PTTG1: variants seen among roughly 807,000 people sequenced by gnomAD.
PTTG1 encodes securin.
A neutral mutation model predicts 20.0 loss-of-function variants in PTTG1; 8 were observed. The observed-to-expected ratio is 0.40, with a 90% CI of 0.23 to 0.72. The LOEUF (loss-of-function observed/expected upper bound fraction) is 0.72. PTTG1 is among the 30% of genes least tolerant of loss of function. The pLI is 0.38. For synonymous variants in PTTG1, 79 were observed against 87.2 expected (o/e 0.91, Z 0.52); for missense variants, 197 against 236.0 (o/e 0.83, Z 1.08).
In PTTG1 at chr5:160,427,894, C is replaced by T. The variant is rs549436067; in HGVS notation, c.529+21C>T. On this transcript the variant is annotated intron_variant, in intron 5 of 5. Coordinates refer to ENST00000352433, the MANE Select transcript of PTTG1 (RefSeq NM_004219.4). ...ATCCAGTAAGTGAGCAAGTGCCCTT[C>T]TGGAAGGGCTGCAAACAATTTGTTT... 6.2e-6 allele frequency: 10 copies of T among 1,613,866 alleles called. 1 individual carries two copies. Among genetic ancestry groups the T allele is most frequent in the South Asian group, 4.4e-5 (4 of 91,074 alleles).
intron 4 of PTTG1, among the ~76,000 whole-genome samples, chr5:160,427,021 G>A (rs1765820385): frequency 6.6e-6 from 1 of 152,076 alleles, no homozygotes; most frequent in Admixed American, 6.5e-5. Context: ...CAGCCTAGGT[G>A]AAAGAGTGAG....
intron 3 of PTTG1, among the ~76,000 whole-genome samples, chr5:160,423,829 C>T (rs1425289274): frequency 6.6e-6 from 1 of 152,208 alleles, no homozygotes; most frequent in Non-Finnish European, 1.5e-5. Context: ...TTGAGGAACA[C>T]AAACTTGTTT....
intron 1 of PTTG1, 181 bp downstream of exon 1, chr5:160,422,072 C>G (rs1188180765): frequency 2.4e-6 from 1 of 420,862 alleles, no homozygotes; most frequent in African/African-American, 2.0e-5. Flanking sequence ...CGGCAACTGT[C>G]TGATGAGTGC....
At chr5:160,424,623 A>G in intron 4 of PTTG1, 1 of 227,014 alleles carries the variant, frequency 4.4e-6, no homozygotes. Context: ...CATTGTGGAC[A>G]GTCTTTCTCA....
At chr5:160,422,062 C>G (rs1045746165) in intron 1 of PTTG1, 171 bp downstream of exon 1, 1 of 377,018 alleles carries the variant, frequency 2.7e-6, no homozygotes, top group Non-Finnish European at 4.9e-6. Flanking sequence ...ACTGGACCAA[C>G]GGCAACTGTC....
Position 160,424,291 on chromosome 5 carries a change from T to C in PTTG1, c.331T>C (p.Tyr111His). 1.9e-6 allele frequency: 3 copies of C among 1,612,424 alleles called. No homozygotes were observed. Among genetic ancestry groups the C allele is most frequent in the Non-Finnish European group, 1.7e-6 (2 of 1,178,642 alleles). Reference protein sequence around the residue: ...KSSVPASDDAYPEIEKFFPFN... With the variant: ...KSSVPASDDAHPEIEKFFPFN... The stretch of plus-strand genomic sequence containing the variant: ...CTCTGTTCCTGCCTCAGATGATGCC[T>C]ATCCAGAAATAGAAAAATTCTTTCC... The change falls in exon 4 of 6, where the codon TAT (tyrosine) becomes CAT (histidine). Residue 111 changes from tyrosine (Y) to histidine (H), a missense_variant. Coordinates refer to ENST00000352433, the MANE Select transcript of PTTG1 (RefSeq NM_004219.4).
chr5:160,425,066 A>T (rs1192363254), intron 4 of PTTG1, among the ~76,000 whole-genome samples: 1 of 152,200 alleles, frequency 6.6e-6, no homozygotes, highest in Non-Finnish European at 1.5e-5. Flanking sequence ...AGGAGGATAC[A>T]GGTGAGGTGT....
chr5:160,427,660 T>A (rs1765833187), intron 4 of PTTG1, 55 bp from the exon 5 acceptor site: 3 of 1,579,632 alleles, frequency 1.9e-6, no homozygotes, highest in Middle Eastern at 1.7e-4. Context: ...ACAAGGGATC[T>A]ACAGCCCACA....
chr5:160,427,265 A>T (rs560505702), intron 4 of PTTG1, among the ~76,000 whole-genome samples: 1 of 152,308 alleles, frequency 6.6e-6, no homozygotes, highest in African/African-American at 2.4e-5. Flanking sequence ...TTTAGCTTGC[A>T]ACTCATATAG....
chr5:160,427,160 A>G (rs1285216615), intron 4 of PTTG1, among the ~76,000 whole-genome samples: 2 of 152,216 alleles, frequency 1.3e-5, no homozygotes, highest in Non-Finnish European at 2.9e-5. Context: ...TCCTTTAAGA[A>G]AAAGTGTGAC....
intron 4 of PTTG1, among the ~76,000 whole-genome samples, chr5:160,425,212 A>G (rs1405118521): frequency 6.6e-6 from 1 of 152,212 alleles, no homozygotes; most frequent in African/African-American, 2.4e-5. Context: ...AAACATTTCT[A>G]TGATTAGTAT....
intron 4 of PTTG1, among the ~76,000 whole-genome samples, chr5:160,427,426 T>A: frequency 6.6e-6 from 1 of 151,662 alleles, no homozygotes; most frequent in East Asian, 1.9e-4. Context: ...GAAGTGACAG[T>A]AAGTGAAACT....
At chr5:160,422,229 A>G in intron 1 of PTTG1, 73 bp from the exon 2 acceptor site, 1 of 1,109,382 alleles carries the variant, frequency 9.0e-7, no homozygotes, top group Non-Finnish European at 1.4e-6. Context: ...CCTAGGATAG[A>G]AAGTTTGGTA....
intron 4 of PTTG1, 187 bp downstream of exon 4, chr5:160,424,517 G>A (rs1933247380): frequency 7.5e-6 from 4 of 535,698 alleles, no homozygotes; most frequent in South Asian, 4.9e-5. Flanking sequence ...AGGTCAGGAG[G>A]GGAATAGGAA....
At chr5:160,424,583 A>G in intron 4 of PTTG1, 1 of 351,274 alleles carries the variant, frequency 2.8e-6, no homozygotes, top group East Asian at 5.4e-5. Context: ...TAGAGGAGGT[A>G]AGATGTATTC....
At chr5:160,424,476 G>T in intron 4 of PTTG1, 146 bp downstream of exon 4, 1 of 606,482 alleles carries the variant, frequency 1.6e-6, no homozygotes. Flanking sequence ...AAGTGTACTT[G>T]TTGATGGAAT....
Position 160,427,765 on chromosome 5 carries a change from T to C in PTTG1, c.421T>C (p.Leu141=), listed in dbSNP as rs1225080324. The change falls in exon 5 of 6, where the codon TTG becomes CTG. Residue 141 remains leucine, a synonymous_variant. Coordinates refer to ENST00000352433, the MANE Select transcript of PTTG1 (RefSeq NM_004219.4). ...AGAGCACCAGATTGCGCACCTCCCC[T>C]TGAGTGGAGTGCCTCTCATGATCCT... ...PEEHQIAHLP[L]SGVPLMILDE... The C allele has an allele frequency of 2.5e-6, 4 of 1,614,022 alleles. No homozygotes were observed. Among genetic ancestry groups the C allele is most frequent in the Non-Finnish European group, 3.4e-6 (4 of 1,180,026 alleles).
intron 4 of PTTG1, 77 bp downstream of exon 4, chr5:160,424,407 G>A (rs1339391627): frequency 1.8e-6 from 2 of 1,082,716 alleles, no homozygotes; most frequent in African/African-American, 1.6e-5. Context: ...AACTTGTTAT[G>A]AATATAATAT....
In PTTG1 at chr5:160,428,710, A is replaced by C; in HGVS notation, c.*29A>C. On this transcript the variant is annotated 3_prime_UTR_variant, in exon 6 of 6. Coordinates refer to ENST00000352433, the MANE Select transcript of PTTG1 (RefSeq NM_004219.4). Reference sequence around the variant, plus strand: ...TCTTAGTGCTTCAGAGTTTGTGTGTATTTGTATTAATAAAGCATTCTTTAA... The same window carrying C: ...TCTTAGTGCTTCAGAGTTTGTGTGTCTTTGTATTAATAAAGCATTCTTTAA... 6.4e-7 allele frequency: 1 copy of C among 1,569,486 alleles called. No homozygotes were observed. The highest frequency in any genetic ancestry group is 8.8e-7 in the Non-Finnish European group (1 of 1,139,930).
Sources: allele counts gnomAD v4.1 joint callset (sites outside exome capture counted in the v4.1 genomes callset), GRCh38; gene constraint gnomAD v4.1.1; transcripts MANE v1.5; gene names NCBI Gene and HGNC (gene_info 2026-07-23, HGNC 2026-07-21).